Variants in MTFMT observed in about 807,000 individuals in gnomAD.
MTFMT encodes the protein mitochondrial methionyl-tRNA formyltransferase, also known as methionyl-tRNA formyltransferase, mitochondrial.
A neutral mutation model predicts 51.8 loss-of-function variants in MTFMT; 47 were observed. That is an observed-to-expected ratio of 0.91 (90% CI 0.72 to 1.16). The LOEUF (loss-of-function observed/expected upper bound fraction) is 1.16, where lower values mean the gene tolerates loss of function less well. Among genes scored for constraint, MTFMT ranks in the 50% most tolerant of loss-of-function variants. MTFMT has a pLI of 0.00. For synonymous variants in MTFMT, 196 were observed against 176.7 expected (o/e 1.11, Z -0.87); for missense variants, 512 against 482.3 (o/e 1.06, Z -0.58).
Position 65,029,479 on chromosome 15 carries a change from C to T in MTFMT, c.135G>A (p.Lys45=). The T allele has an allele frequency of 6.5e-7, 1 of 1,534,130 alleles. No homozygotes were observed. The highest frequency in any genetic ancestry group is 8.8e-7 in the Non-Finnish European group (1 of 1,141,998). The part of the protein sequence containing the change: ...EDCRDSRVRE[K]PPWRVLFFGT... Reference sequence around the variant, plus strand: ...CGAAGAAGAGCACCCGCCAGGGAGGCTTCTCGCGGACTCTGGAGTCCCGGC... The same window carrying T: ...CGAAGAAGAGCACCCGCCAGGGAGGTTTCTCGCGGACTCTGGAGTCCCGGC... Residue 45 remains lysine, a synonymous_variant, in exon 1 of 9, where the codon AAG becomes AAA. Transcript: ENST00000220058.
Position 65,009,060 on chromosome 15 carries a change from T to C in MTFMT, c.814-2869A>G, listed in dbSNP as rs548188456. Among the ~76,000 whole-genome samples the C allele has an allele frequency of 5.9e-5, 9 of 152,322 alleles. No individual in the cohort carries two copies. The South Asian group carries it at 1.9e-3, about 32-fold the overall frequency. On this transcript the variant is annotated intron_variant, in intron 6 of 8. Coordinates refer to ENST00000220058, the MANE Select transcript of MTFMT (RefSeq NM_139242.4). ...ATTTACATTCACCTAGTTCATTTCCTTTGATCTTGCCAGTTGTGTACATGG... is the reference window on the plus strand; with the variant it reads ...ATTTACATTCACCTAGTTCATTTCCCTTGATCTTGCCAGTTGTGTACATGG...
At chr15:65,015,575 G>C (rs1018950902) in intron 6 of MTFMT, among the ~76,000 whole-genome samples, 9 of 152,106 alleles carry the variant, frequency 5.9e-5, no homozygotes, top group Non-Finnish European at 1.0e-4. Context: ...AGTGGCTCGT[G>C]CCTGTAATCC....
Position 65,004,942 on chromosome 15 carries a change from G to T in MTFMT, c.893-6C>A. The T allele has an allele frequency of 6.2e-7, 1 of 1,602,296 alleles. No individual in the cohort carries two copies. The highest frequency in any genetic ancestry group is 1.1e-5 in the South Asian group (1 of 90,608). Reference sequence around the variant, plus strand: ...CTGTCCCGTTAATTTTGGATCTGAAGAATGGAAAAAAGAAAAGATATACAA... The same window carrying T: ...CTGTCCCGTTAATTTTGGATCTGAATAATGGAAAAAAGAAAAGATATACAA... On this transcript the variant is annotated splice_region_variant and splice_polypyrimidine_tract_variant and intron_variant, in intron 7 of 8. Transcript: ENST00000220058.
Position 65,003,135 on chromosome 15 carries a change from CT to C in MTFMT, c.1096del (p.Arg366AspfsTer26). ...KNSQAQPSQCRFQTLRLPTKK... is the reference protein window; with the variant it reads ...KNSQAQPSQCXFQTLRLPTKK... ...TGTTGGAAGTCTGAGAGTCTGAAAT[CT>C]GCATTGGCTTGGTTGAGCTTGGGAA... On this transcript the variant is annotated frameshift_variant, in exon 9 of 9. Coordinates refer to ENST00000220058, the MANE Select transcript of MTFMT (RefSeq NM_139242.4). LOFTEE classifies it high-confidence loss of function. 2 of 1,613,196 alleles carry C rather than the reference CT, an allele frequency of 1.2e-6. No homozygotes were observed. The highest frequency in any genetic ancestry group is 1.7e-6 in the Non-Finnish European group (2 of 1,179,584).
chr15:65,021,928 G>C (rs2086377070), intron 3 of MTFMT, among the ~76,000 whole-genome samples: 1 of 152,214 alleles, frequency 6.6e-6, no homozygotes, highest in African/African-American at 2.4e-5. Flanking sequence ...CCTGTGTTTA[G>C]AGTCTAAATT....
chr15:65,005,089 AAG>A (rs1359591104), intron 7 of MTFMT, among the ~76,000 whole-genome samples, 153 bp from the exon 8 acceptor site: 1 of 152,228 alleles, frequency 6.6e-6, no homozygotes, highest in African/African-American at 2.4e-5. Context: ...CAAAACTTAC[AAG>A]GAAACCACAG....
chr15:65,004,957 A>C (rs1367306674), intron 7 of MTFMT, 21 bp from the exon 8 acceptor site: 1 of 1,554,990 alleles, frequency 6.4e-7, no homozygotes, highest in African/African-American at 1.4e-5. Flanking sequence ...GAAAAAAGAA[A>C]AGATATACAA....
intron 2 of MTFMT, chr15:65,026,605 C>T: frequency 2.1e-6 from 1 of 484,146 alleles, no homozygotes; most frequent in South Asian, 3.1e-5. Context: ...TGCAGCATTC[C>T]TTGGGTTTAA....
intron 5 of MTFMT, 130 bp downstream of exon 5, chr15:65,020,067 G>A: frequency 1.3e-6 from 1 of 771,910 alleles, no homozygotes; most frequent in Non-Finnish European, 2.0e-6. Context: ...CCATTCTTTG[G>A]AAAAGCACAC....
At position 65,029,439 on chromosome 15, in the gene MTFMT, C is replaced by A. The variant is rs1420405048; in HGVS notation, c.175G>T (p.Ala59Ser). ...TGCAGCGCCCGCAGCGCCTCGCGGG[C>A]GAACTGGTCCGTGCCGAAGAAGAGC... Reference protein sequence around the residue: ...RVLFFGTDQFAREALRALHAA... With the variant: ...RVLFFGTDQFSREALRALHAA... The change falls in exon 1 of 9, where the codon GCC (alanine) becomes TCC (serine). Residue 59 changes from alanine (A) to serine (S), a missense_variant. Ala to Ser is a moderately conservative substitution (Grantham distance 99). Transcript: ENST00000220058. The A allele has an allele frequency of 7.3e-6, 11 of 1,507,802 alleles. No homozygotes were observed. In the Admixed American group the frequency reaches 8.6e-5, roughly 12 times the overall value. The allele number at this position is 1,507,802 out of a possible 1,614,324, so 93.4% of individuals were successfully genotyped here. A position where few individuals can be genotyped will look rare whatever the true frequency, so the allele number is the denominator to read the frequency against.
At chr15:65,011,057 C>G (rs909062173) in intron 6 of MTFMT, among the ~76,000 whole-genome samples, 3 of 152,194 alleles carry the variant, frequency 2.0e-5, no homozygotes, top group Admixed American at 6.5e-5. Context: ...GGCAGTGGCT[C>G]ATGCCTGTAA....
At chr15:65,020,378 TTTTTC>T (rs2086363979) in intron 4 of MTFMT, 106 bp from the exon 5 acceptor site, 3 of 956,260 alleles carry the variant, frequency 3.1e-6, no homozygotes, top group Non-Finnish European at 3.1e-6. Flanking sequence ...ACTTTTTTTC[TTTTTC>T]TTTTTTCAAA....
intron 2 of MTFMT, among the ~76,000 whole-genome samples, chr15:65,024,372 T>C (rs979062776): frequency 1.3e-5 from 2 of 152,184 alleles, no homozygotes; most frequent in African/African-American, 4.8e-5. Flanking sequence ...AAATAAAATT[T>C]TAAAATGCAT....
chr15:65,016,819 C>T (rs2140482012), intron 5 of MTFMT, among the ~76,000 whole-genome samples: 1 of 148,398 alleles, frequency 6.7e-6, no homozygotes, highest in African/African-American at 2.5e-5. Flanking sequence ...CTTGCCCTGT[C>T]ACCCAGGCTG....
chr15:65,023,040 T>C (rs1190732460), intron 3 of MTFMT, among the ~76,000 whole-genome samples: 1 of 151,954 alleles, frequency 6.6e-6, no homozygotes, highest in Non-Finnish European at 1.5e-5. Context: ...CTACTCTCTC[T>C]CTTGTTTTCT....
chr15:65,020,790 A>G (rs1174436699), intron 4 of MTFMT, among the ~76,000 whole-genome samples: 1 of 152,224 alleles, frequency 6.6e-6, no homozygotes, highest in Non-Finnish European at 1.5e-5. Context: ...AACAATCAAC[A>G]GCAACAACTA....
At position 65,020,983 on chromosome 15, in the gene MTFMT, G is replaced by A. The variant is rs550384827; in HGVS notation, c.645+531C>T. On this transcript the variant is annotated intron_variant, in intron 4 of 8. Coordinates refer to ENST00000220058, the MANE Select transcript of MTFMT (RefSeq NM_139242.4). Reference sequence around the variant, plus strand: ...ATATTCCTCTGTATAAAATTAACCCGTTCATATGGAAAACATAAGTTTAGT... The same window carrying A: ...ATATTCCTCTGTATAAAATTAACCCATTCATATGGAAAACATAAGTTTAGT... Among the ~76,000 whole-genome samples the A allele has an allele frequency of 7.2e-5, 11 of 152,180 alleles. No homozygotes were observed. In the East Asian group the frequency reaches 1.2e-3, roughly 16 times the overall value.
intron 5 of MTFMT, among the ~76,000 whole-genome samples, chr15:65,019,448 AC>A (rs1315873464): frequency 1.3e-5 from 2 of 152,110 alleles, no homozygotes; most frequent in Non-Finnish European, 2.9e-5. Flanking sequence ...ACTAAAAAAA[AC>A]AAAAAAGAAG....
chr15:65,009,081 C>T (rs934346343), intron 6 of MTFMT, among the ~76,000 whole-genome samples: 3 of 152,158 alleles, frequency 2.0e-5, no homozygotes, highest in African/African-American at 7.2e-5. Context: ...CAGTTGTGTA[C>T]ATGGTCATTA....
Sources: gnomAD v4.1 joint callset for allele counts (sites outside exome capture counted in the v4.1 genomes callset) on GRCh38, gnomAD v4.1.1 for gene constraint, MANE v1.5 for transcripts, NCBI Gene and HGNC (gene_info 2026-07-23, HGNC 2026-07-21) for gene names.